CACNA2D1: variants seen among roughly 807,000 people sequenced by gnomAD.
The protein encoded by CACNA2D1 is voltage-dependent calcium channel subunit alpha-2/delta-1.
Under a neutral mutation model 171.5 loss-of-function variants are expected in CACNA2D1, and 53 were observed. The ratio of observed to expected loss-of-function variants is 0.31; its 90% confidence interval spans 0.25 to 0.39. The LOEUF is 0.39. Among genes scored for constraint, CACNA2D1 ranks in the 10% least tolerant of loss-of-function variants. The pLI, the probability that CACNA2D1 is intolerant of heterozygous loss-of-function variation, is 1.00. For missense variants in CACNA2D1, 903 were observed against 1,299.8 expected, an observed-to-expected ratio of 0.69 and a Z score of 4.69; for synonymous variants, 442 against 443.1, an observed-to-expected ratio of 1.00 and a Z score of 0.03.
intron 34 of CACNA2D1, among the ~76,000 whole-genome samples, chr7:81,963,508 T>C (rs945495825): frequency 2.6e-5 from 4 of 151,926 alleles, no homozygotes; most frequent in African/African-American, 4.8e-5. Context: ...TTTTCATAGG[T>C]TGTAGGGTCT....
intron 3 of CACNA2D1, among the ~76,000 whole-genome samples, chr7:82,269,224 T>G (rs1219667600): frequency 1.3e-5 from 2 of 152,160 alleles, no homozygotes. Context: ...GCATCTGATT[T>G]TGAACCCCTC....
chr7:81,962,392 GA>G (rs1467723434), intron 35 of CACNA2D1, 47 bp downstream of exon 35: 1 of 1,415,862 alleles, frequency 7.1e-7, no homozygotes, highest in Non-Finnish European at 9.9e-7. Context: ...CATCCCAAAA[GA>G]AAATTTTTAT....
chr7:81,962,350 A>G, intron 35 of CACNA2D1, 90 bp downstream of exon 35: 1 of 960,066 alleles, frequency 1.0e-6, no homozygotes, highest in Non-Finnish European at 1.6e-6. Context: ...TCTTTCACAC[A>G]AATATTCTCT....
At chr7:82,076,601 T>G (rs1282008671) in intron 7 of CACNA2D1, among the ~76,000 whole-genome samples, 1 of 152,132 alleles carries the variant, frequency 6.6e-6, no homozygotes, top group African/African-American at 2.4e-5. Flanking sequence ...ATCTTTAAAA[T>G]TCCACATCTG....
chr7:82,173,261 C>A (rs774926240), intron 3 of CACNA2D1, among the ~76,000 whole-genome samples: 2 of 152,112 alleles, frequency 1.3e-5, no homozygotes, highest in Admixed American at 1.3e-4. Flanking sequence ...TAGTCCAAAT[C>A]GGCTTTATTT....
chr7:82,322,821 T>A (rs1019248773), intron 3 of CACNA2D1, among the ~76,000 whole-genome samples: 1 of 152,158 alleles, frequency 6.6e-6, no homozygotes, highest in Non-Finnish European at 1.5e-5. Flanking sequence ...CACCTGTGTA[T>A]ATAAAAAAGC....
At chr7:82,086,981 T>C (rs1442858054) in intron 6 of CACNA2D1, among the ~76,000 whole-genome samples, 1 of 152,106 alleles carries the variant, frequency 6.6e-6, no homozygotes, top group East Asian at 1.9e-4. Flanking sequence ...AATTTTCTTT[T>C]TCAGACAAGC....
intron 6 of CACNA2D1, among the ~76,000 whole-genome samples, chr7:82,093,165 A>G (rs1180644205): frequency 6.6e-6 from 1 of 152,152 alleles, no homozygotes; most frequent in Non-Finnish European, 1.5e-5. Flanking sequence ...GTCAGAAGTA[A>G]CCACTTGATC....
intron 3 of CACNA2D1, among the ~76,000 whole-genome samples, chr7:82,262,053 T>C (rs1176900037): frequency 2.6e-5 from 4 of 152,158 alleles, no homozygotes; most frequent in Non-Finnish European, 5.9e-5. Flanking sequence ...AACACAAGGC[T>C]GGGTGTGGTG....
chr7:82,225,992 T>C (rs1402467758), intron 3 of CACNA2D1, among the ~76,000 whole-genome samples: 1 of 152,176 alleles, frequency 6.6e-6, no homozygotes, highest in Non-Finnish European at 1.5e-5. Flanking sequence ...AAATGTAAAG[T>C]CCATGTTAGG....
intron 3 of CACNA2D1, among the ~76,000 whole-genome samples, chr7:82,283,875 AAAAT>A (rs1473401666): frequency 2.0e-5 from 3 of 152,178 alleles, no homozygotes; most frequent in Non-Finnish European, 4.4e-5. Flanking sequence ...TTTGGAAAGA[AAAAT>A]AAAAAGATGC....
chr7:82,165,581 T>C (rs1181609851), intron 4 of CACNA2D1, among the ~76,000 whole-genome samples: 2 of 152,044 alleles, frequency 1.3e-5, no homozygotes, highest in Non-Finnish European at 2.9e-5. Flanking sequence ...ACTCTTACCA[T>C]GGCATTTATA....
chr7:82,414,830 T>C (rs10277941), intron 1 of CACNA2D1, among the ~76,000 whole-genome samples: 5,757 of 152,296 alleles, frequency 0.038, 364 homozygotes, highest in African/African-American at 0.13. Flanking sequence ...CTCCGTAAAA[T>C]TGACTGTTTA....
chr7:82,390,036 G>C (rs1159059567), intron 1 of CACNA2D1, among the ~76,000 whole-genome samples: 1 of 152,178 alleles, frequency 6.6e-6, no homozygotes, highest in African/African-American at 2.4e-5. Flanking sequence ...TCAGGGAATA[G>C]GACAGAAGAA....
intron 3 of CACNA2D1, among the ~76,000 whole-genome samples, chr7:82,187,255 A>G (rs1585043362): frequency 6.6e-6 from 1 of 152,192 alleles, no homozygotes; most frequent in African/African-American, 2.4e-5. Flanking sequence ...AAGTACCACA[A>G]TAATCCACAT....
intron 1 of CACNA2D1, among the ~76,000 whole-genome samples, chr7:82,375,448 A>T (rs1199107236): frequency 6.6e-6 from 1 of 152,166 alleles, no homozygotes; most frequent in Non-Finnish European, 1.5e-5. Flanking sequence ...TGATCACAAG[A>T]GTATGGGGGT....
chr7:82,022,478 G>A (rs932840851), intron 12 of CACNA2D1, among the ~76,000 whole-genome samples: 2 of 151,828 alleles, frequency 1.3e-5, no homozygotes, highest in African/African-American at 4.8e-5. Context: ...AGAATTAAAT[G>A]CTACAAGTTA....
intron 1 of CACNA2D1, among the ~76,000 whole-genome samples, chr7:82,424,871 G>C (rs1276009932): frequency 6.6e-6 from 1 of 152,226 alleles, no homozygotes; most frequent in African/African-American, 2.4e-5. Flanking sequence ...AAATCTGTGA[G>C]CACGTAAAGT....
intron 3 of CACNA2D1, among the ~76,000 whole-genome samples, chr7:82,212,132 A>G (rs1298982301): frequency 6.6e-6 from 1 of 152,162 alleles, no homozygotes; most frequent in Non-Finnish European, 1.5e-5. Flanking sequence ...CCAGGGCAGG[A>G]GAATTTAGCC....
Sources: gnomAD v4.1 joint callset for allele counts (sites outside exome capture counted in the v4.1 genomes callset) on GRCh38, gnomAD v4.1.1 for gene constraint, MANE v1.5 for transcripts, NCBI Gene and HGNC (gene_info 2026-07-23, HGNC 2026-07-21) for gene names.